The following DRICH1 variants were observed in gnomAD, a reference collection of about 807,000 sequenced individuals.
DRICH1 encodes the protein aspartate-rich protein 1.
Under a neutral mutation model 39.5 loss-of-function variants are expected in DRICH1, and 38 were observed. The observed-to-expected ratio is 0.96, with a 90% CI of 0.74 to 1.26. The LOEUF (loss-of-function observed/expected upper bound fraction) is 1.26, where lower values mean the gene tolerates loss of function less well. Ranked by LOEUF, DRICH1 falls within the 50% of genes most tolerant of loss-of-function variation. The pLI is 0.00. For synonymous variants in DRICH1, 84 were observed against 99.5 expected, an observed-to-expected ratio of 0.84 and a Z score of 0.93; for missense variants, 279 against 270.4, an observed-to-expected ratio of 1.03 and a Z score of -0.22.
At chr22:23,608,006 A>C (rs1179731239), downstream of DRICH1, among the ~76,000 whole-genome samples, 2 of 152,226 alleles carry the variant, frequency 1.3e-5, no homozygotes, top group African/African-American at 2.4e-5. Context: ...TGCATGAATG[A>C]ATCAGGGAAT....
intron 8 of DRICH1, among the ~76,000 whole-genome samples, chr22:23,615,257 T>C (rs1325436043): frequency 6.6e-6 from 1 of 152,118 alleles, no homozygotes; most frequent in Non-Finnish European, 1.5e-5. Flanking sequence ...GTGCCTGTAA[T>C]TCCAGCTACT....
chr22:23,600,824 C>T, the DRICH1 span, among the ~76,000 whole-genome samples: 10 of 152,036 alleles, frequency 6.6e-5, no homozygotes, highest in African/African-American at 2.4e-4. Flanking sequence ...GGGCACCCGC[C>T]ACCATGACCA....
chr22:23,590,925 G>C, the DRICH1 span, among the ~76,000 whole-genome samples: 1 of 152,094 alleles, frequency 6.6e-6, no homozygotes. Flanking sequence ...GGCCCAGCAG[G>C]GTACATGTTC....
chr22:23,608,915 C>T, intron 11 of DRICH1, 147 bp from the exon 12 acceptor site: 1 of 876,140 alleles, frequency 1.1e-6, no homozygotes, highest in Non-Finnish European at 1.9e-6. Context: ...GATGCGGAAA[C>T]TCATCAGCCA....
chr22:23,595,119 A>G, the DRICH1 span, among the ~76,000 whole-genome samples: 12 of 145,676 alleles, frequency 8.2e-5, no homozygotes, highest in African/African-American at 3.0e-4. Flanking sequence ...GAGGGTGAGG[A>G]GAGGGAGAGA....
Position 23,617,607 on chromosome 22 carries a change from C to T in DRICH1, c.487G>A (p.Asp163Asn), listed in dbSNP as rs1421251297. ...TCATCATCATCATCATCACAGTCAT[C>T]ATCTTCACTTCGTGGTAGGCATACT... Reference protein sequence around the residue: ...SLVCLPRSEDDDCDDDDDDAQ... With the variant: ...SLVCLPRSEDNDCDDDDDDAQ... Residue 163 changes from aspartate to asparagine, a missense_variant, in exon 7 of 12, where the codon GAT becomes AAT. Coordinates refer to ENST00000317749, the MANE Select transcript of DRICH1 (RefSeq NM_016449.4). 7 of 1,614,030 alleles carry T rather than the reference C, an allele frequency of 4.3e-6. No individual in the cohort carries two copies. Among genetic ancestry groups the T allele is most frequent in the Non-Finnish European group, 4.2e-6 (5 of 1,180,014 alleles).
At chr22:23,624,860 G>A in intron 3 of DRICH1, 23 bp downstream of exon 3, 2 of 1,611,140 alleles carry the variant, frequency 1.2e-6, no homozygotes, top group Non-Finnish European at 1.7e-6. Context: ...TTCTCAGAAA[G>A]TGAGTTAGTT....
At chr22:23,628,502 C>T (rs1410973040) in intron 1 of DRICH1, among the ~76,000 whole-genome samples, 6 of 152,072 alleles carry the variant, frequency 3.9e-5, no homozygotes. Flanking sequence ...GGGAGGTGGA[C>T]GTTGCAGTGA....
At chr22:23,593,571 C>A in the DRICH1 span, among the ~76,000 whole-genome samples, 1 of 152,216 alleles carries the variant, frequency 6.6e-6, no homozygotes, top group Non-Finnish European at 1.5e-5. Context: ...GAGGCCAAGG[C>A]AGGCGAATCA....
chr22:23,582,658 C>A, the DRICH1 span, among the ~76,000 whole-genome samples: 1 of 151,862 alleles, frequency 6.6e-6, no homozygotes, highest in Admixed American at 6.6e-5. Context: ...CTCTGCCTCC[C>A]GGGTTCGAGC....
chr22:23,582,555 C>CTTATTATTATTATTA, the DRICH1 span, among the ~76,000 whole-genome samples: 11,957 of 143,692 alleles, frequency 0.083, 612 homozygotes, highest in African/African-American at 0.14. Flanking sequence ...CCTTCAGGGG[C>CTTATTATTATTATTA]TTATTATTAT....
In DRICH1 at chr22:23,608,712, C is replaced by A; in HGVS notation, c.*52G>T. The A allele has an allele frequency of 1.9e-6, 3 of 1,546,106 alleles. No homozygotes were observed. The highest frequency in any genetic ancestry group is 2.4e-5 in the South Asian group (2 of 83,980). On this transcript the variant is annotated 3_prime_UTR_variant, in exon 12 of 12. Coordinates refer to ENST00000317749, the MANE Select transcript of DRICH1 (RefSeq NM_016449.4). ...GGGCAAAGCTGGGGACCCTGCAGCA[C>A]GCGCTGGCCTGCCCTTTGGGTCAGC...
chr22:23,613,990 C>T (rs1031687233), intron 9 of DRICH1, 145 bp downstream of exon 9: 2 of 651,350 alleles, frequency 3.1e-6, no homozygotes, highest in Non-Finnish European at 5.4e-6. Context: ...TGGGAAGACA[C>T]TCCTATGGAA....
chr22:23,600,388 G>C, the DRICH1 span, among the ~76,000 whole-genome samples: 1 of 152,204 alleles, frequency 6.6e-6, no homozygotes, highest in African/African-American at 2.4e-5. Context: ...GTTGGCCATA[G>C]CTCTGCACCT....
At chr22:23,600,994 C>T in the DRICH1 span, among the ~76,000 whole-genome samples, 2 of 152,122 alleles carry the variant, frequency 1.3e-5, no homozygotes, top group African/African-American at 4.8e-5. Flanking sequence ...TAAACATACG[C>T]TTATGCATAT....
intron 4 of DRICH1, among the ~76,000 whole-genome samples, 155 bp downstream of exon 4, chr22:23,621,931 AAAAAG>A (rs998424490): frequency 1.3e-4 from 20 of 152,124 alleles, no homozygotes; most frequent in African/African-American, 2.7e-4. Flanking sequence ...AACAAAACAA[AAAAAG>A]AAAAGAAAAG....
rs759514985 is a variant in DRICH1, at chr22:23,616,881, T to C, written c.520-7A>G. On this transcript the variant is annotated splice_region_variant and splice_polypyrimidine_tract_variant and intron_variant, in intron 7 of 11. Transcript: ENST00000317749. ...GGACAGGTGACGGTAAAATCTGCAA[T>C]GAGATAAAAGAAGATGCTGTAAGGA... is the stretch of plus-strand genomic sequence containing the variant. The C allele has an allele frequency of 1.9e-6, 3 of 1,613,516 alleles. No individual in the cohort carries two copies. Among genetic ancestry groups the C allele is most frequent in the Non-Finnish European group, 2.5e-6 (3 of 1,179,490 alleles).
intron 11 of DRICH1, among the ~76,000 whole-genome samples, chr22:23,611,816 G>A (rs751391115): frequency 6.6e-6 from 1 of 152,176 alleles, no homozygotes; most frequent in Non-Finnish European, 1.5e-5. Context: ...TGTCTGTGGT[G>A]AGGCGGGTGT....
chr22:23,594,423 A>G, the DRICH1 span, among the ~76,000 whole-genome samples: 2 of 152,140 alleles, frequency 1.3e-5, no homozygotes, highest in Non-Finnish European at 2.9e-5. Context: ...ACAAAAAATT[A>G]ACCAGGTGTT....
Sources: allele counts gnomAD v4.1 joint callset (sites outside exome capture counted in the v4.1 genomes callset), GRCh38; gene constraint gnomAD v4.1.1; transcripts MANE v1.5; gene names NCBI Gene and HGNC (gene_info 2026-07-23, HGNC 2026-07-21).